The following PI4K2B variants were observed in gnomAD, a reference collection of about 807,000 sequenced individuals.
PI4K2B encodes the protein phosphatidylinositol 4-kinase type 2-beta.
Under a neutral mutation model 56.6 loss-of-function variants are expected in PI4K2B, and 46 were observed. The ratio of observed to expected loss-of-function variants is 0.81; its 90% CI spans 0.64 to 1.04. The LOEUF (loss-of-function observed/expected upper bound fraction) is 1.04, where lower values mean the gene tolerates loss of function less well. PI4K2B is among the 50% of genes least tolerant of loss of function. PI4K2B has a pLI of 0.00. For missense variants in PI4K2B, 556 were observed against 607.7 expected (o/e 0.91, Z 0.89); for synonymous variants, 211 against 223.8 (o/e 0.94, Z 0.51).
intron 1 of PI4K2B, among the ~76,000 whole-genome samples, chr4:25,249,413 C>CG (rs1041972612): frequency 2.7e-5 from 1 of 37,178 alleles, no homozygotes; most frequent in African/African-American, 7.1e-5. Context: ...CTCCACCCCC[C>CG]GGACAGGGCG....
chr4:25,256,718 A>G (rs137962647), intron 4 of PI4K2B, 44 bp downstream of exon 4: 2 of 1,576,266 alleles, frequency 1.3e-6, no homozygotes, highest in Admixed American at 1.7e-5. Context: ...ATTTGGGCAC[A>G]TACATCCTGA....
chr4:25,267,108 T>C (rs1446654039), intron 7 of PI4K2B, among the ~76,000 whole-genome samples: 1 of 152,170 alleles, frequency 6.6e-6, no homozygotes, highest in Non-Finnish European at 1.5e-5. Context: ...AAAACAGTGC[T>C]ACATGCTACA....
At chr4:25,245,971 C>T (rs1715750202) in intron 1 of PI4K2B, among the ~76,000 whole-genome samples, 1 of 152,016 alleles carries the variant, frequency 6.6e-6, no homozygotes, top group African/African-American at 2.4e-5. Context: ...AAGCCACGGA[C>T]CCTCCCAATG....
At chr4:25,243,371 C>T (rs898700381) in intron 1 of PI4K2B, among the ~76,000 whole-genome samples, 3 of 152,150 alleles carry the variant, frequency 2.0e-5, no homozygotes, top group African/African-American at 7.2e-5. Flanking sequence ...TTAAAGCATC[C>T]TAGTAAACCA....
intron 1 of PI4K2B, among the ~76,000 whole-genome samples, chr4:25,241,253 C>A (rs960597800): frequency 1.3e-4 from 20 of 152,228 alleles, no homozygotes; most frequent in African/African-American, 3.4e-4. Context: ...ACTAGTTCTG[C>A]TAACTGGACA....
At chr4:25,264,265 T>G (rs1438757810) in intron 7 of PI4K2B, among the ~76,000 whole-genome samples, 2 of 152,228 alleles carry the variant, frequency 1.3e-5, no homozygotes, top group Non-Finnish European at 2.9e-5. Context: ...TCTTTTGTGG[T>G]AAATGATTAC....
In PI4K2B at chr4:25,234,223, G is replaced by T. The variant is rs911461592; in HGVS notation, c.60G>T (p.Glu20Asp). The T allele has an allele frequency of 1.4e-6, 2 of 1,423,966 alleles. No homozygotes were observed. Among genetic ancestry groups the T allele is most frequent in the Non-Finnish European group, 1.8e-6 (2 of 1,088,186 alleles). The allele number at this position is 1,423,966 out of a possible 1,614,324, so 88.2% of individuals were successfully genotyped here. A position where few individuals can be genotyped will look rare whatever the true frequency, so the allele number is the denominator to read the frequency against. ...LASADGGSPE[E>D]EEDGEREPLL... is the part of the protein sequence containing the mutation. The stretch of plus-strand genomic sequence containing the variant: ...CCGCGGACGGCGGGAGCCCGGAGGA[G>T]GAGGAGGATGGGGAGCGGGAGCCGC... The change falls in exon 1 of 10, where the codon GAG (glutamate) becomes GAT (aspartate). Residue 20 changes from glutamate (E) to aspartate (D), a missense_variant. Physicochemically the swap from Glu to Asp is conservative, Grantham distance 45 (BLOSUM62 2). Coordinates refer to ENST00000264864, the MANE Select transcript of PI4K2B (RefSeq NM_018323.4).
Position 25,252,492 on chromosome 4 carries a change from C to T in PI4K2B, c.423+17C>T, listed in dbSNP as rs747288835. On this transcript the variant is annotated intron_variant, in intron 2 of 9. Transcript: ENST00000264864. ...CCTAAGAGGGTGAGAATTTCACAGA[C>T]CTATTATATGTAATGGAAACTTTGG... 2 of 1,512,142 alleles carry T rather than the reference C, an allele frequency of 1.3e-6. No homozygotes were observed. The highest frequency in any genetic ancestry group is 1.8e-6 in the Non-Finnish European group (2 of 1,089,162). 93.7% of individuals were successfully genotyped at this position (1,512,142 alleles called of 1,614,324 possible).
intron 9 of PI4K2B, among the ~76,000 whole-genome samples, chr4:25,272,239 T>G (rs1013086999): frequency 5.3e-5 from 8 of 152,142 alleles, no homozygotes; most frequent in African/African-American, 1.9e-4. Context: ...ATTTTAGGTT[T>G]ATTTACTCAT....
chr4:25,240,818 A>C (rs1715485181), intron 1 of PI4K2B, among the ~76,000 whole-genome samples: 1 of 141,396 alleles, frequency 7.1e-6, no homozygotes, highest in Non-Finnish European at 1.6e-5. Flanking sequence ...TTTCTTTCTG[A>C]CTCCTTCTCT....
At chr4:25,260,630 ATATATATATATACAC>A in intron 6 of PI4K2B, 39 bp downstream of exon 6, 1 of 164,728 alleles carries the variant, frequency 6.1e-6, no homozygotes, top group Non-Finnish European at 1.1e-5. Flanking sequence ...ATATATATAT[ATATATATATATACAC>A]ACACACACAC....
intron 7 of PI4K2B, among the ~76,000 whole-genome samples, chr4:25,265,650 A>G: frequency 6.6e-6 from 1 of 152,102 alleles, no homozygotes; most frequent in Non-Finnish European, 1.5e-5. Context: ...ACGTCAGCTT[A>G]TTTTAATTGT....
At chr4:25,259,936 C>T (rs1203490228) in intron 5 of PI4K2B, among the ~76,000 whole-genome samples, 1 of 152,150 alleles carries the variant, frequency 6.6e-6, no homozygotes, top group South Asian at 2.1e-4. Flanking sequence ...TACGCTGGAC[C>T]TTTTGGAACA....
chr4:25,235,858 A>G (rs1337397005), intron 1 of PI4K2B, among the ~76,000 whole-genome samples: 1 of 152,172 alleles, frequency 6.6e-6, no homozygotes, highest in Non-Finnish European at 1.5e-5. Flanking sequence ...CTAGAAAAAA[A>G]TCAAAGCGAG....
intron 9 of PI4K2B, among the ~76,000 whole-genome samples, chr4:25,272,625 C>T (rs1327475914): frequency 1.3e-5 from 2 of 152,132 alleles, no homozygotes; most frequent in African/African-American, 4.8e-5. Flanking sequence ...TGTGATGACA[C>T]CTGTGCATAG....
chr4:25,276,692 T>C, intron 9 of PI4K2B: 3 of 984,948 alleles, frequency 3.0e-6, no homozygotes, highest in East Asian at 1.1e-4. Flanking sequence ...TGAATATGTA[T>C]GTAGACCTCT....
intron 7 of PI4K2B, among the ~76,000 whole-genome samples, chr4:25,267,508 T>C (rs1297292804): frequency 4.6e-5 from 7 of 152,324 alleles, no homozygotes; most frequent in African/African-American, 1.7e-4. Context: ...CGAACTATGA[T>C]TGTGCCACTG....
In PI4K2B at chr4:25,252,388, A is replaced by G; in HGVS notation, c.336A>G (p.Arg112=). Residue 112 remains arginine, a synonymous_variant, in exon 2 of 10, where the codon AGA becomes AGG. Coordinates refer to ENST00000264864, the MANE Select transcript of PI4K2B (RefSeq NM_018323.4). ...CAGAATTTGCCGATATTATGCTGAG[A>G]GCAGAGCAAGCAATAGAAGTTGGAA... The part of the protein sequence containing the change: ...DDPEFADIML[R]AEQAIEVGIF... 2 of 1,607,316 alleles carry G rather than the reference A, an allele frequency of 1.2e-6. No individual in the cohort carries two copies. The highest frequency in any genetic ancestry group is 1.7e-6 in the Non-Finnish European group (2 of 1,173,806).
rs1394250166 is a variant in PI4K2B, at chr4:25,249,449, G to A, written c.269-2872G>A. 9.6e-4 allele frequency among the ~76,000 whole-genome samples: 138 copies of A among 144,150 alleles called. 1 individual carries two copies. The highest frequency in any genetic ancestry group is 3.2e-3 in the African/African-American group (129 of 39,986). The allele number at this position is 144,150 out of a possible 152,430, so 94.6% of individuals were successfully genotyped here. ...GCTGGCCGGGCGGGGGCTGCCCCCCGCCTCCCGGATGGGGCGGCTGGCCGG... is the reference window on the plus strand; with the variant it reads ...GCTGGCCGGGCGGGGGCTGCCCCCCACCTCCCGGATGGGGCGGCTGGCCGG... On this transcript the variant is annotated intron_variant, in intron 1 of 9. Transcript: ENST00000264864.
Sources: allele counts gnomAD v4.1 joint callset (sites outside exome capture counted in the v4.1 genomes callset), GRCh38; gene constraint gnomAD v4.1.1; transcripts MANE v1.5; gene names NCBI Gene and HGNC (gene_info 2026-07-23, HGNC 2026-07-21).